Variants in P2RY12 observed in about 807,000 individuals in gnomAD.
P2RY12 encodes purinergic receptor P2Y12.
A neutral mutation model predicts 4.5 loss-of-function variants in P2RY12; 3 were observed. The observed-to-expected ratio is 0.67, with a 90% CI of 0.31 to 1.74. The LOEUF (loss-of-function observed/expected upper bound fraction) is 1.74, where lower values mean the gene tolerates loss of function less well. P2RY12 is among the 40% of genes most tolerant of loss of function. The pLI, the probability that P2RY12 is intolerant of heterozygous loss-of-function variation, is 0.09. For synonymous variants in P2RY12, 148 were observed against 154.1 expected (o/e 0.96, Z 0.29); for missense variants, 356 against 407.8 (o/e 0.87, Z 1.09).
chr3:151,375,881 T>G (rs539741215), intron 1 of P2RY12: 16 of 473,602 alleles, frequency 3.4e-5, no homozygotes, highest in Admixed American at 3.1e-4. Context: ...TTTAAAATTT[T>G]TCTACCTACT....
chr3:151,360,737 T>A, intron 1 of P2RY12: 1 of 771,462 alleles, frequency 1.3e-6, no homozygotes. Context: ...AATTTTGATA[T>A]ACTCATGATT....
Position 151,383,693 on chromosome 3 carries a change from AAC to A in P2RY12, c.-180+997_-180+998del, listed in dbSNP as rs1491378410. ...GCATCCCTTGTTTTTTTAAATAAAA[AAC>A]AATCAAAATTTGATAACATAAAGCA... On this transcript the variant is annotated intron_variant, in intron 1 of 2. Transcript: ENST00000302632. 2.9e-5 allele frequency: 24 copies of A among 816,904 alleles called. No individual in the cohort carries two copies. The African/African-American group carries it at 3.6e-4, about 12-fold the overall frequency. The allele number at this position is 816,904 out of a possible 1,614,324, so 50.6% of individuals were successfully genotyped here.
chr3:151,376,492 A>G (rs1756870496), intron 1 of P2RY12, among the ~76,000 whole-genome samples: 1 of 152,184 alleles, frequency 6.6e-6, no homozygotes, highest in African/African-American at 2.4e-5. Flanking sequence ...ATATTATTAA[A>G]GAAATATTGA....
At chr3:151,346,347 C>T (rs16863329) in intron 1 of P2RY12, among the ~76,000 whole-genome samples, 3,733 of 152,210 alleles carry the variant, frequency 0.025, 148 homozygotes, top group African/African-American at 0.086. Flanking sequence ...AAACAAGAGT[C>T]TTTTGATGAT....
At chr3:151,345,446 G>A (rs1182942899) in intron 1 of P2RY12, among the ~76,000 whole-genome samples, 1 of 151,856 alleles carries the variant, frequency 6.6e-6, no homozygotes, top group Non-Finnish European at 1.5e-5. Context: ...TATTTTCTTA[G>A]GTTGACTTTA....
Position 151,364,937 on chromosome 3 carries a change from A to G in P2RY12, c.-180+19755T>C. 3.0e-6 allele frequency: 4 copies of G among 1,341,640 alleles called. 1 individual carries two copies. The highest frequency in any genetic ancestry group is 4.3e-6 in the Non-Finnish European group (4 of 934,092). The allele number at this position is 1,341,640 out of a possible 1,614,324, so 83.1% of individuals were successfully genotyped here. A position where few individuals can be genotyped will look rare whatever the true frequency, so the allele number is the denominator to read the frequency against. On this transcript the variant is annotated intron_variant, in intron 1 of 2. Coordinates refer to ENST00000302632, the MANE Select transcript of P2RY12 (RefSeq NM_022788.5). The stretch of plus-strand genomic sequence containing the variant: ...AGTGAAATAGTTTTCTAGTTATTCT[A>G]GTTTTATTTTTCTGTTTTAACTTTT...
chr3:151,339,527 A>G (rs1751521870), intron 2 of P2RY12, among the ~76,000 whole-genome samples: 1 of 151,790 alleles, frequency 6.6e-6, no homozygotes, highest in South Asian at 2.1e-4. Flanking sequence ...ACGGAGATTC[A>G]TTATTCTGCT....
intron 1 of P2RY12, chr3:151,355,031 G>T (rs187081167): frequency 8.1e-5 from 71 of 874,656 alleles, no homozygotes; most frequent in African/African-American, 4.1e-4. Flanking sequence ...TTTTCTGTAT[G>T]TATGCTATAC....
intron 1 of P2RY12, among the ~76,000 whole-genome samples, chr3:151,348,428 C>T (rs935101132): frequency 6.6e-6 from 1 of 151,484 alleles, no homozygotes; most frequent in Non-Finnish European, 1.5e-5. Context: ...GCAAGCAGCT[C>T]AGCTCATTCA....
rs1157300008 is a variant in P2RY12, at chr3:151,337,242, CCAAT to C, written c.*571_*574del. 1 of 152,038 alleles carries C rather than the reference CCAAT, an allele frequency of 6.6e-6. No individual in the cohort carries two copies. Among genetic ancestry groups the C allele is most frequent in the Non-Finnish European group, 1.5e-5 (1 of 68,032 alleles). 9.4% of individuals were successfully genotyped at this position (152,038 alleles called of 1,614,324 possible). A position where few individuals can be genotyped will look rare whatever the true frequency, so the allele number is the denominator to read the frequency against. On this transcript the variant is annotated 3_prime_UTR_variant, in exon 3 of 3. Coordinates refer to ENST00000302632, the MANE Select transcript of P2RY12 (RefSeq NM_022788.5). ...TCTAAATAAACATAAAAAATTAAGT[CCAAT>C]CAAATACAGTTTCAATTAGTTTAAA...
chr3:151,340,743 A>G lies in P2RY12; in HGVS notation c.-162T>C, dbSNP rs1466414402. 1 of 152,576 alleles carries G rather than the reference A, an allele frequency of 6.6e-6. No homozygotes were observed. Among genetic ancestry groups the G allele is most frequent in the Non-Finnish European group, 1.5e-5 (1 of 68,018 alleles). The allele number at this position is 152,576 out of a possible 1,614,324, so 9.5% of individuals were successfully genotyped here. On this transcript the variant is annotated 5_prime_UTR_variant, in exon 2 of 3. It removes the in-frame stop codon of an upstream open reading frame in the 5' UTR. Transcript: ENST00000302632. ...ATAGAGGATTTCCTGAGTTTTCGTC[A>G]GTAAAGTCTTGAGTGCTCTAGAGAG...
rs373800767 is a variant in P2RY12 at position 151,366,033 on chromosome 3, A to G, written c.-180+18659T>C. 1.5e-5 allele frequency: 22 copies of G among 1,444,766 alleles called. No individual in the cohort carries two copies. The African/African-American group carries it at 2.7e-4, about 18-fold the overall frequency. The allele number at this position is 1,444,766 out of a possible 1,614,324, so 89.5% of individuals were successfully genotyped here. ...ATTTAAAAATTGAACTGTGCAATTA[A>G]ATATTTAGTTAGTGGGTAATCTTTT... On this transcript the variant is annotated intron_variant, in intron 1 of 2. Transcript: ENST00000302632.
At chr3:151,343,743 T>C (rs1300078040) in intron 1 of P2RY12, among the ~76,000 whole-genome samples, 2 of 125,868 alleles carry the variant, frequency 1.6e-5, no homozygotes, top group Non-Finnish European at 3.4e-5. Flanking sequence ...TTTTTACTTT[T>C]AAGTGGCTTA....
chr3:151,350,845 G>A (rs1382399524), intron 1 of P2RY12, among the ~76,000 whole-genome samples: 2 of 152,062 alleles, frequency 1.3e-5, no homozygotes, highest in Admixed American at 6.5e-5. Context: ...GTGCCTTTAT[G>A]TTGTATCACC....
At chr3:151,374,419 A>G (rs1756572429) in intron 1 of P2RY12, among the ~76,000 whole-genome samples, 1 of 152,100 alleles carries the variant, frequency 6.6e-6, no homozygotes, top group Non-Finnish European at 1.5e-5. Context: ...GTGGTGGCAC[A>G]TGCCTGTCAT....
chr3:151,375,496 T>C (rs956799992), intron 1 of P2RY12, among the ~76,000 whole-genome samples: 2 of 152,212 alleles, frequency 1.3e-5, no homozygotes, highest in African/African-American at 2.4e-5. Context: ...ATTGCACTTC[T>C]ATGAAATTAC....
At chr3:151,380,742 G>A (rs1163386744) in intron 1 of P2RY12, among the ~76,000 whole-genome samples, 1 of 152,118 alleles carries the variant, frequency 6.6e-6, no homozygotes, top group Non-Finnish European at 1.5e-5. Flanking sequence ...TACAATAAAT[G>A]TGTACTGCCT....
intron 1 of P2RY12, among the ~76,000 whole-genome samples, chr3:151,382,496 C>A (rs938838240): frequency 6.6e-6 from 1 of 152,044 alleles, no homozygotes; most frequent in African/African-American, 2.4e-5. Flanking sequence ...AGCCAGATTT[C>A]TTTCTGCATG....
chr3:151,353,293 T>C (rs1306643566), intron 1 of P2RY12, among the ~76,000 whole-genome samples: 1 of 152,232 alleles, frequency 6.6e-6, no homozygotes, highest in Non-Finnish European at 1.5e-5. Flanking sequence ...GGATCAAAGA[T>C]GTTAGTAAAT....
Sources: allele counts gnomAD v4.1 joint callset (sites outside exome capture counted in the v4.1 genomes callset), GRCh38; gene constraint gnomAD v4.1.1; transcripts MANE v1.5; gene names NCBI Gene and HGNC (gene_info 2026-07-23, HGNC 2026-07-21).